LINGO1: variants seen among roughly 807,000 people sequenced by gnomAD.
The protein encoded by LINGO1 is leucine-rich repeat and immunoglobulin-like domain-containing nogo receptor-interacting protein 1.
In LINGO1, 11 loss-of-function variants were observed where a neutral mutation model predicts 37.3. The observed-to-expected ratio is 0.29, with a 90% confidence interval of 0.19 to 0.49. LINGO1 has a LOEUF of 0.49. Ranked by LOEUF, LINGO1 falls within the 20% of genes least tolerant of loss-of-function variation. The pLI is 0.99. For missense variants in LINGO1, 585 were observed against 878.2 expected, an observed-to-expected ratio of 0.67 and a Z score of 4.22; for synonymous variants, 387 against 403.0, an observed-to-expected ratio of 0.96 and a Z score of 0.48.
intron 1 of LINGO1, among the ~76,000 whole-genome samples, chr15:77,809,263 G>A (rs1467113577): frequency 6.6e-6 from 1 of 152,188 alleles, no homozygotes; most frequent in African/African-American, 2.4e-5. Flanking sequence ...ACTGGACAAA[G>A]GCAAGCACCA....
intron 2 of LINGO1, among the ~76,000 whole-genome samples, chr15:77,727,873 C>CAT (rs2076118488): frequency 6.6e-6 from 1 of 152,116 alleles, no homozygotes; most frequent in South Asian, 2.1e-4. Context: ...GGATTCAAAG[C>CAT]CCTTTTGCCT....
chr15:77,721,828 C>G (rs1284172865), intron 2 of LINGO1, among the ~76,000 whole-genome samples: 1 of 152,122 alleles, frequency 6.6e-6, no homozygotes, highest in Non-Finnish European at 1.5e-5. Flanking sequence ...CTCAGCTTCT[C>G]CATCTGAAAT....
chr15:77,637,052 A>G (rs568367772), upstream of LINGO1, among the ~76,000 whole-genome samples: 3 of 152,188 alleles, frequency 2.0e-5, no homozygotes, highest in Admixed American at 2.0e-4. This position sits in a 1 kb window ranked among gnomAD's most constrained non-coding sequence, Gnocchi z 4.6. Context: ...AGACTTGGGG[A>G]CACCAGCTTC....
At chr15:77,806,936 G>T (rs754431751) in intron 1 of LINGO1, among the ~76,000 whole-genome samples, 3 of 152,064 alleles carry the variant, frequency 2.0e-5, no homozygotes, top group African/African-American at 4.8e-5. Context: ...AACCCTTCCA[G>T]GGCTCCCCGT....
In LINGO1 at chr15:77,615,409, C is replaced by T; in HGVS notation, c.498G>A (p.Leu166=). The change falls in exon 2 of 2, where the codon CTG becomes CTA. Residue 166 remains leucine, a synonymous_variant. Coordinates refer to ENST00000355300, the MANE Select transcript of LINGO1 (RefSeq NM_032808.7). ...VILLDYMFQD[L]YNLKSLEVGD... ...CAACCTCCAGTGACTTGAGGTTGTA[C>T]AGGTCCTGAAACATGTAGTCCAGTA... 6.2e-7 allele frequency: 1 copy of T among 1,614,014 alleles called. No homozygotes were observed. Among genetic ancestry groups the T allele is most frequent in the East Asian group, 2.2e-5 (1 of 44,876 alleles).
chr15:77,731,369 G>A (rs1567551988), intron 2 of LINGO1, among the ~76,000 whole-genome samples: 1 of 152,084 alleles, frequency 6.6e-6, no homozygotes, highest in Non-Finnish European at 1.5e-5. Flanking sequence ...CCAGACCCAC[G>A]CGTGTCCCCT....
chr15:77,635,922 T>A (rs141010452), upstream of LINGO1, among the ~76,000 whole-genome samples: 224 of 152,356 alleles, frequency 1.5e-3, 1 homozygote, highest in African/African-American at 5.1e-3. Context: ...GACTGCTCAC[T>A]GCAAAGTGGA....
intron 1 of LINGO1, among the ~76,000 whole-genome samples, chr15:77,760,335 C>T (rs1263392107): frequency 6.6e-6 from 1 of 152,216 alleles, no homozygotes; most frequent in African/African-American, 2.4e-5. Context: ...CCCAGCCCCA[C>T]CAGGCTTCAG....
intron 3 of LINGO1, among the ~76,000 whole-genome samples, chr15:77,676,077 C>A (rs531808969): frequency 6.6e-6 from 1 of 152,348 alleles, no homozygotes; most frequent in East Asian, 1.9e-4. Flanking sequence ...AGACGAGGAA[C>A]CTTACAGCAC....
chr15:77,666,776 G>A (rs954709568), intron 3 of LINGO1, among the ~76,000 whole-genome samples: 26 of 152,194 alleles, frequency 1.7e-4, no homozygotes, highest in African/African-American at 5.6e-4. Context: ...ACAGTGCCTG[G>A]CACATCATAA....
intron 3 of LINGO1, among the ~76,000 whole-genome samples, chr15:77,642,938 G>C (rs1039568228): frequency 4.6e-5 from 7 of 152,216 alleles, no homozygotes; most frequent in African/African-American, 1.7e-4. Context: ...TTAGCTGCCT[G>C]AGGCCATGCA....
chr15:77,623,152 C>T (rs554464922), intron 1 of LINGO1, among the ~76,000 whole-genome samples: 2 of 152,246 alleles, frequency 1.3e-5, no homozygotes, highest in Non-Finnish European at 2.9e-5. Context: ...CCCAACCTAG[C>T]TCTTAATGAA....
intron 1 of LINGO1, among the ~76,000 whole-genome samples, chr15:77,764,945 G>A (rs1043763772): frequency 5.3e-5 from 8 of 152,184 alleles, no homozygotes; most frequent in Admixed American, 3.9e-4. Context: ...GATGAACCAC[G>A]GCAGATTGAA....
intron 3 of LINGO1, among the ~76,000 whole-genome samples, chr15:77,663,468 G>A (rs2075043284): frequency 6.6e-6 from 1 of 152,188 alleles, no homozygotes; most frequent in Non-Finnish European, 1.5e-5. Flanking sequence ...CTGGACTTTG[G>A]TCCTGTCTAG....
intron 1 of LINGO1, among the ~76,000 whole-genome samples, chr15:77,782,246 C>T (rs1291594523): frequency 3.3e-5 from 5 of 150,386 alleles, no homozygotes; most frequent in Admixed American, 6.7e-5. Flanking sequence ...CACACACACA[C>T]GTGCCCGCAT....
chr15:77,756,296 C>T (rs370805854), intron 1 of LINGO1, among the ~76,000 whole-genome samples: 1 of 152,152 alleles, frequency 6.6e-6, no homozygotes, highest in African/African-American at 2.4e-5. Flanking sequence ...TTAAGGTCCA[C>T]AAGGAAGACT....
intron 1 of LINGO1, among the ~76,000 whole-genome samples, chr15:77,759,872 G>A (rs146081367): frequency 1.1e-3 from 169 of 152,326 alleles, no homozygotes; most frequent in Middle Eastern, 6.8e-3. Flanking sequence ...CATGCTGAGC[G>A]CTCTGCCCTG....
At chr15:77,722,441 T>C (rs2076060463) in intron 2 of LINGO1, among the ~76,000 whole-genome samples, 1 of 152,224 alleles carries the variant, frequency 6.6e-6, no homozygotes, top group African/African-American at 2.4e-5. Context: ...GCACTGGCTT[T>C]AGAGTCAAGT....
chr15:77,786,378 A>T (rs1424555275), intron 1 of LINGO1, among the ~76,000 whole-genome samples: 1 of 151,800 alleles, frequency 6.6e-6, no homozygotes, highest in Non-Finnish European at 1.5e-5. Context: ...CAATCAGGAC[A>T]CCTCACCTCA....
Sources: allele counts gnomAD v4.1 joint callset (sites outside exome capture counted in the v4.1 genomes callset), GRCh38; gene constraint gnomAD v4.1.1; non-coding constraint Gnocchi (gnomAD v3.1); transcripts MANE v1.5; gene names NCBI Gene and HGNC (gene_info 2026-07-23, HGNC 2026-07-21).